GAREM1: variants seen among roughly 807,000 people sequenced by gnomAD.
The protein encoded by GAREM1 is GRB2 associated regulator of MAPK1 subtype 1, also known as GRB2-associated and regulator of MAPK protein 1.
GAREM1 carries 26 observed loss-of-function variants against 71.3 expected under a neutral mutation model. The observed-to-expected ratio is 0.36, with a 90% CI of 0.27 to 0.51. The LOEUF is 0.51. Ranked by LOEUF, GAREM1 falls within the 20% of genes least tolerant of loss-of-function variation. The pLI is 0.95. For missense variants in GAREM1, 1,026 were observed against 1,103.1 expected (o/e 0.93, Z 0.99); for synonymous variants, 440 against 433.2 (o/e 1.02, Z -0.20).
At position 32,470,360 on chromosome 18, in the gene GAREM1, G is replaced by T; in HGVS notation, c.69C>A (p.Leu23=). 1 of 1,559,602 alleles carries T rather than the reference G, an allele frequency of 6.4e-7. No individual in the cohort carries two copies. Residue 23 remains leucine, a synonymous_variant, in exon 1 of 6, where the codon CTC becomes CTA. Transcript: ENST00000269209. This position sits in a 1 kb window ranked among gnomAD's most constrained non-coding sequence, Gnocchi z 4.4. ...GCCGGTAAGTGCTGACCAGGAGGTC[G>T]AGCGGCACGGCCACCGAGCTCCACT... The part of the protein sequence containing the change: ...DVKWSSVAVP[L]DLLVSTYRLP...
At chr18:32,469,111 C>T (rs1484650302) in intron 1 of GAREM1, among the ~76,000 whole-genome samples, 1 of 152,104 alleles carries the variant, frequency 6.6e-6, no homozygotes, top group African/African-American at 2.4e-5. Flanking sequence ...GTTTTCCAGC[C>T]TTCACGAACT....
chr18:32,408,514 T>C (rs556270396), intron 1 of GAREM1, among the ~76,000 whole-genome samples: 49 of 152,222 alleles, frequency 3.2e-4, no homozygotes, highest in African/African-American at 1.2e-3. Context: ...GTCCTAGAAT[T>C]TACCATCAGC....
chr18:32,337,428 G>A (rs898308445), intron 2 of GAREM1, among the ~76,000 whole-genome samples: 3 of 152,144 alleles, frequency 2.0e-5, no homozygotes, highest in Admixed American at 6.5e-5. Context: ...AGGACACTAC[G>A]ATTTAGTATA....
chr18:32,373,936 A>T (rs2048010293), intron 2 of GAREM1, among the ~76,000 whole-genome samples: 1 of 152,254 alleles, frequency 6.6e-6, no homozygotes, highest in South Asian at 2.1e-4. Flanking sequence ...AGTGTTCATT[A>T]ATGATGACAA....
intron 1 of GAREM1, among the ~76,000 whole-genome samples, chr18:32,442,387 T>C (rs2048747135): frequency 2.0e-5 from 3 of 152,198 alleles, no homozygotes; most frequent in Admixed American, 2.0e-4. Context: ...GCATGTGATA[T>C]TTCAGGGTAG....
intron 2 of GAREM1, among the ~76,000 whole-genome samples, chr18:32,337,723 G>A: frequency 6.6e-6 from 1 of 152,148 alleles, no homozygotes; most frequent in East Asian, 1.9e-4. Flanking sequence ...GTTTCCAATG[G>A]CTATAGGATA....
At chr18:32,438,338 G>A (rs1196384233) in intron 1 of GAREM1, among the ~76,000 whole-genome samples, 4 of 152,168 alleles carry the variant, frequency 2.6e-5, no homozygotes, top group African/African-American at 7.2e-5. Context: ...TTCACAGGTC[G>A]TGCTAAGCCC....
chr18:32,268,465 G>C lies in GAREM1; in HGVS notation c.2037C>G (p.Ser679Arg). Residue 679 changes from serine (S) to arginine (R), a missense_variant, in exon 6 of 6, where the codon AGC (serine) becomes AGG (arginine). Ser to Arg is a moderately radical substitution (Grantham distance 110). This residue lies in a region of GAREM1 where 636 missense variants were observed against 631.2 expected (regional missense o/e 1.01). Transcript: ENST00000269209. The part of the protein sequence containing the change: ...FDFDGCELLA[S>R]PTSPVTAEFS... ...ATTCTGCAGTGACTGGGCTAGTGGG[G>C]CTGGCCAGGAGCTCACAGCCATCAA... The C allele has an allele frequency of 6.2e-7, 1 of 1,614,162 alleles. No individual in the cohort carries two copies.
chr18:32,401,215 C>T (rs1031001654), intron 1 of GAREM1, among the ~76,000 whole-genome samples: 35 of 151,964 alleles, frequency 2.3e-4, no homozygotes, highest in Non-Finnish European at 3.8e-4. Context: ...TTAGGAGATA[C>T]ACCTAATGTA....
At chr18:32,309,968 C>T (rs568377053) in intron 3 of GAREM1, among the ~76,000 whole-genome samples, 47 of 152,228 alleles carry the variant, frequency 3.1e-4, no homozygotes, top group African/African-American at 1.1e-3. Flanking sequence ...CAGTTTTGAA[C>T]TCAGATATCA....
At chr18:32,331,046 CCTT>C (rs1399128935) in intron 2 of GAREM1, among the ~76,000 whole-genome samples, 1 of 152,164 alleles carries the variant, frequency 6.6e-6, no homozygotes, top group African/African-American at 2.4e-5. Flanking sequence ...GTCTGTTCCT[CCTT>C]CTCTCTGATC....
Position 32,268,507 on chromosome 18 carries a change from G to A in GAREM1, c.1995C>T (p.Cys665=). The change falls in exon 6 of 6, where the codon TGC becomes TGT. Residue 665 remains cysteine, a synonymous_variant. Coordinates refer to ENST00000269209, the MANE Select transcript of GAREM1 (RefSeq NM_001242409.2). ...QKTPGTPKRN[C]PAPFDFDGCE... ...AGCCATCAAAATCAAAAGGTGCTGG[G>A]CAGTTTCTCTTTGGTGTGCCTGGCG... The A allele has an allele frequency of 6.2e-7, 1 of 1,614,188 alleles. No individual in the cohort carries two copies. Among genetic ancestry groups the A allele is most frequent in the East Asian group, 2.2e-5 (1 of 44,878 alleles).
At chr18:32,294,259 G>C (rs1223603411) in intron 3 of GAREM1, among the ~76,000 whole-genome samples, 1 of 152,152 alleles carries the variant, frequency 6.6e-6, no homozygotes, top group Non-Finnish European at 1.5e-5. Flanking sequence ...ACCCTCACAT[G>C]ATTCAGAAAA....
intron 1 of GAREM1, among the ~76,000 whole-genome samples, chr18:32,400,442 T>C (rs1287614791): frequency 1.3e-5 from 2 of 151,996 alleles, no homozygotes; most frequent in Non-Finnish European, 2.9e-5. Context: ...AGGGCTAATA[T>C]CCAGAATCTA....
intron 2 of GAREM1, among the ~76,000 whole-genome samples, chr18:32,338,781 T>C (rs138049398): frequency 1.3e-5 from 2 of 152,222 alleles, no homozygotes; most frequent in Non-Finnish European, 2.9e-5. Flanking sequence ...ATGGTTAATG[T>C]TGTGTCAACT....
chr18:32,332,882 C>G (rs977575209), intron 2 of GAREM1, among the ~76,000 whole-genome samples: 1 of 151,956 alleles, frequency 6.6e-6, no homozygotes, highest in African/African-American at 2.4e-5. Flanking sequence ...GATGGCATGA[C>G]AGAGAGAGAG....
chr18:32,409,533 A>T (rs746831836), intron 1 of GAREM1, among the ~76,000 whole-genome samples: 4 of 152,246 alleles, frequency 2.6e-5, no homozygotes, highest in Non-Finnish European at 5.9e-5. Flanking sequence ...AAAGAACTTC[A>T]TGGTGAAATC....
chr18:32,280,870 C>T (rs1175411814), intron 4 of GAREM1, among the ~76,000 whole-genome samples: 1 of 152,044 alleles, frequency 6.6e-6, no homozygotes, highest in East Asian at 1.9e-4. Context: ...ATGTCCACTC[C>T]CACCCACCTT....
At chr18:32,362,978 C>T (rs1011123841) in intron 2 of GAREM1, among the ~76,000 whole-genome samples, 21 of 152,094 alleles carry the variant, frequency 1.4e-4, no homozygotes, top group African/African-American at 5.1e-4. Context: ...AATTTATATA[C>T]CTTTATATCC....
Sources: gnomAD v4.1 joint callset for allele counts (sites outside exome capture counted in the v4.1 genomes callset) on GRCh38, gnomAD v4.1.1 for gene constraint, gnomAD v4.1.1 regional missense constraint, Gnocchi (gnomAD v3.1) non-coding constraint, MANE v1.5 for transcripts, NCBI Gene and HGNC (gene_info 2026-07-23, HGNC 2026-07-21) for gene names.